CUX1: variants seen among roughly 807,000 people sequenced by gnomAD.
CUX1 encodes the protein cut like homeobox 1.
In CUX1, 31 loss-of-function variants were observed where a neutral mutation model predicts 158.8. The observed-to-expected ratio is 0.20, with a 90% CI of 0.15 to 0.26. CUX1 has a LOEUF of 0.26. Ranked by LOEUF, CUX1 falls within the 10% of genes least tolerant of loss-of-function variation. The pLI is 1.00. For missense variants in CUX1, 1,589 were observed against 2,014.6 expected, an observed-to-expected ratio of 0.79 and a Z score of 4.04; for synonymous variants, 879 against 862.1, an observed-to-expected ratio of 1.02 and a Z score of -0.34.
chr7:101,841,192 A>C (rs527528962), intron 1 of CUX1, among the ~76,000 whole-genome samples: 263 of 152,084 alleles, frequency 1.7e-3, no homozygotes, highest in Middle Eastern at 3.4e-3. Flanking sequence ...CACGCCCGGC[A>C]GGTTTTCTAT....
rs1801659478 is a variant in CUX1 at position 102,252,859 on chromosome 7, T to G, written c.*3817T>G. On this transcript the variant is annotated 3_prime_UTR_variant, in exon 24 of 24. Transcript: ENST00000292535. ...AGCCATGGAGCTTAGCTCAATTGGA[T>G]TCTTCTAGACGATCTTAGGAGGCAT... 1 of 985,368 alleles carries G rather than the reference T, an allele frequency of 1.0e-6. No individual in the cohort carries two copies. The highest frequency in any genetic ancestry group is 6.1e-5 in the Admixed American group (1 of 16,270). The allele number at this position is 985,368 out of a possible 1,614,324, so 61.0% of individuals were successfully genotyped here. A position where few individuals can be genotyped will look rare whatever the true frequency, so the allele number is the denominator to read the frequency against.
Position 102,253,253 on chromosome 7 carries a change from AG to A in CUX1, c.*4212del, listed in dbSNP as rs1801711983. On this transcript the variant is annotated 3_prime_UTR_variant, in exon 24 of 24. Transcript: ENST00000292535. ...AATATTCCTTTCTGGCCACCGCCCA[AG>A]CCCAGGTGGCCAGCTCTCATACCCC... 1 of 985,476 alleles carries A rather than the reference AG, an allele frequency of 1.0e-6. No individual in the cohort carries two copies. The allele number at this position is 985,476 out of a possible 1,614,324, so 61.0% of individuals were successfully genotyped here. A position where few individuals can be genotyped will look rare whatever the true frequency, so the allele number is the denominator to read the frequency against.
chr7:101,837,099 G>A (rs902313489), intron 1 of CUX1, among the ~76,000 whole-genome samples: 4 of 152,208 alleles, frequency 2.6e-5, no homozygotes, highest in Admixed American at 6.5e-5. Context: ...TGCCGTGCAC[G>A]GCTTTGGCTT....
At chr7:101,871,824 C>G (rs1355372361) in intron 1 of CUX1, among the ~76,000 whole-genome samples, 2 of 151,860 alleles carry the variant, frequency 1.3e-5, no homozygotes, top group Non-Finnish European at 1.5e-5. Flanking sequence ...TCAAGACCAC[C>G]CTGGCCAAGT....
chr7:102,121,612 C>A (rs1832057079), intron 8 of CUX1, among the ~76,000 whole-genome samples: 1 of 152,182 alleles, frequency 6.6e-6, no homozygotes, highest in African/African-American at 2.4e-5. Context: ...TCCTGAAGTG[C>A]TGGGATGACA....
chr7:102,125,244 G>A (rs552561568), intron 8 of CUX1, among the ~76,000 whole-genome samples: 6 of 152,268 alleles, frequency 3.9e-5, no homozygotes, highest in East Asian at 1.9e-4. Context: ...CCTCTGTAGC[G>A]TTCAGCCTGC....
At position 102,157,946 on chromosome 7, in the gene CUX1, A is replaced by G. The variant is rs181681951; in HGVS notation, c.675-614A>G. ...TTTACGACCAGGCTGGGCCATAGCA[A>G]TGAACCCAGGCTGTCTGCACTGCAG... On this transcript the variant is annotated intron_variant, in intron 8 of 23. Coordinates refer to ENST00000292535, the MANE Select transcript of CUX1 (RefSeq NM_181552.4). Among the ~76,000 whole-genome samples, 228 of 152,300 alleles carry G rather than the reference A, an allele frequency of 1.5e-3. 1 individual carries two copies. The highest frequency in any genetic ancestry group is 5.2e-3 in the African/African-American group (216 of 41,556).
intron 10 of CUX1, among the ~76,000 whole-genome samples, chr7:102,173,124 C>A (rs1554510859): frequency 2.0e-5 from 3 of 152,090 alleles, no homozygotes. Flanking sequence ...CTTTGGGGGG[C>A]CGAGGCGGGC....
chr7:102,270,349 C>T (rs1205452659), intron 14 of CUX1, among the ~76,000 whole-genome samples: 1 of 152,244 alleles, frequency 6.6e-6, no homozygotes, highest in African/African-American at 2.4e-5. Flanking sequence ...GAAGCCCGCA[C>T]AGCCAGTCTC....
chr7:102,273,869 G>A (rs712838), intron 15 of CUX1, among the ~76,000 whole-genome samples: 85,621 of 152,192 alleles, frequency 0.56, 24,077 homozygotes, highest in African/African-American at 0.59. Flanking sequence ...GCATCTCCTC[G>A]CCCACCTCCC....
At chr7:102,009,976 C>T (rs949349170) in intron 2 of CUX1, among the ~76,000 whole-genome samples, 17 of 152,162 alleles carry the variant, frequency 1.1e-4, no homozygotes, top group African/African-American at 3.6e-4. Flanking sequence ...CTCTCCAGCA[C>T]ACATGGGGAG....
At chr7:101,820,276 T>C (rs989903068) in intron 1 of CUX1, among the ~76,000 whole-genome samples, 1 of 152,228 alleles carries the variant, frequency 6.6e-6, no homozygotes, top group East Asian at 1.9e-4. Flanking sequence ...AAGGACACGT[T>C]TGTTAGGGGA....
rs137957530 is a variant in CUX1, at chr7:102,251,722, C to T, written c.*2680C>T. 154 of 985,308 alleles carry T rather than the reference C, an allele frequency of 1.6e-4. No individual in the cohort carries two copies. The African/African-American group carries it at 2.4e-3, about 15-fold the overall frequency. The allele number at this position is 985,308 out of a possible 1,614,324, so 61.0% of individuals were successfully genotyped here. A position where few individuals can be genotyped will look rare whatever the true frequency, so the allele number is the denominator to read the frequency against. On this transcript the variant is annotated 3_prime_UTR_variant, in exon 24 of 24. Coordinates refer to ENST00000292535, the MANE Select transcript of CUX1 (RefSeq NM_181552.4). ...CGACTGTGGTGTCCTCTCCACAAAA[C>T]CCTCAAGGGACTTTTGTCATCATGT...
chr7:101,884,519 C>A (rs898405955), intron 1 of CUX1, among the ~76,000 whole-genome samples: 1 of 152,120 alleles, frequency 6.6e-6, no homozygotes, highest in African/African-American at 2.4e-5. Context: ...TTTAAAGCCC[C>A]GTGTGAGGTG....
chr7:102,186,595 A>ATTT (rs781912833), intron 11 of CUX1, among the ~76,000 whole-genome samples: 36 of 128,554 alleles, frequency 2.8e-4, no homozygotes, highest in Non-Finnish European at 5.4e-4. Context: ...ATATATATAT[A>ATTT]TTTTTTTTTA....
chr7:101,826,758 A>G (rs1263265382), intron 1 of CUX1, among the ~76,000 whole-genome samples: 1 of 152,064 alleles, frequency 6.6e-6, no homozygotes, highest in Non-Finnish European at 1.5e-5. Context: ...GCTTTCCAGC[A>G]GAACAGTCGT....
At chr7:102,260,992 A>G (rs1186189652), downstream of CUX1, among the ~76,000 whole-genome samples, 1 of 151,704 alleles carries the variant, frequency 6.6e-6, no homozygotes, top group Non-Finnish European at 1.5e-5. Context: ...GCATGTACGG[A>G]CCCAACCAGG....
In CUX1 at chr7:102,257,698, C is replaced by T. The variant is rs1790045774; in HGVS notation, c.*8656C>T. 1.0e-6 allele frequency: 1 copy of T among 985,288 alleles called. No homozygotes were observed. The highest frequency in any genetic ancestry group is 6.2e-5 in the Admixed American group (1 of 16,244). The allele number at this position is 985,288 out of a possible 1,614,324, so 61.0% of individuals were successfully genotyped here. On this transcript the variant is annotated 3_prime_UTR_variant, in exon 24 of 24. Transcript: ENST00000292535. ...AATCTTCCGGAAAACTCTCTATAAG[C>T]TCAGCTCCCCCCACCCCACCCCCAC...
chr7:101,976,114 A>C (rs1199761845), intron 2 of CUX1, among the ~76,000 whole-genome samples: 1 of 152,242 alleles, frequency 6.6e-6, no homozygotes, highest in Non-Finnish European at 1.5e-5. Context: ...ACCTGGGCAC[A>C]GAGAGAGACC....
Sources: gnomAD v4.1 joint callset for allele counts (sites outside exome capture counted in the v4.1 genomes callset) on GRCh38, gnomAD v4.1.1 for gene constraint, MANE v1.5 for transcripts, NCBI Gene and HGNC (gene_info 2026-07-23, HGNC 2026-07-21) for gene names.